MRPS27: variants seen among roughly 807,000 people sequenced by gnomAD.
The protein encoded by MRPS27 is mitochondrial ribosomal protein S27.
Under a neutral mutation model 48.9 loss-of-function variants are expected in MRPS27, and 43 were observed. The ratio of observed to expected loss-of-function variants is 0.88; its 90% CI spans 0.69 to 1.13. The LOEUF (loss-of-function observed/expected upper bound fraction) is 1.13, where lower values mean the gene tolerates loss of function less well. Ranked by LOEUF, MRPS27 falls within the 50% of genes most tolerant of loss-of-function variation. The pLI, the probability that MRPS27 is intolerant of heterozygous loss-of-function variation, is 0.00. For synonymous variants in MRPS27, 188 were observed against 171.9 expected (o/e 1.09, Z -0.73); for missense variants, 467 against 476.3 (o/e 0.98, Z 0.18).
intron 2 of MRPS27, among the ~76,000 whole-genome samples, chr5:72,310,126 A>G (rs1750403201): frequency 6.6e-6 from 1 of 152,226 alleles, no homozygotes; most frequent in Admixed American, 6.5e-5. Context: ...TATCTGCAAA[A>G]TATATATAGT....
intron 2 of MRPS27, among the ~76,000 whole-genome samples, chr5:72,309,853 T>C (rs1293887754): frequency 6.6e-6 from 1 of 152,170 alleles, no homozygotes; most frequent in East Asian, 1.9e-4. Flanking sequence ...ACTAGAACAG[T>C]ATAGTATTGG....
chr5:72,277,577 C>G (rs1285195183), intron 4 of MRPS27, among the ~76,000 whole-genome samples: 1 of 151,684 alleles, frequency 6.6e-6, no homozygotes, highest in Non-Finnish European at 1.5e-5. Flanking sequence ...GCACTCCAGC[C>G]TGGCCACAGA....
rs748845775 is a variant in MRPS27 at position 72,228,382 on chromosome 5, T to C, written c.592-14A>G. 6.3e-7 allele frequency: 1 copy of C among 1,575,484 alleles called. No individual in the cohort carries two copies. The highest frequency in any genetic ancestry group is 1.4e-5 in the African/African-American group (1 of 73,976). On this transcript the variant is annotated splice_polypyrimidine_tract_variant and intron_variant, in intron 7 of 10. Transcript: ENST00000261413. ...CTCCTCTTCCCACTGCAACAGAATA[T>C]ACTGGATCATGATCCATCTAAGCAA... is the stretch of plus-strand genomic sequence containing the variant.
chr5:72,241,781 C>G (rs950335349), intron 4 of MRPS27: 1 of 1,230,186 alleles, frequency 8.1e-7, no homozygotes, highest in Non-Finnish European at 1.1e-6. Context: ...CTCGCCTGCT[C>G]TGACCACCAG....
chr5:72,272,361 T>A (rs567542256), intron 4 of MRPS27, among the ~76,000 whole-genome samples: 5 of 152,366 alleles, frequency 3.3e-5, no homozygotes, highest in African/African-American at 1.2e-4. Flanking sequence ...TAGCTCATTG[T>A]GCATAAACTG....
chr5:72,308,576 AG>A (rs1182342036), intron 2 of MRPS27, among the ~76,000 whole-genome samples: 1 of 152,190 alleles, frequency 6.6e-6, no homozygotes, highest in African/African-American at 2.4e-5. Context: ...GGATTCCCGC[AG>A]GGGCCACACT....
At chr5:72,271,572 A>C (rs1322677730) in intron 4 of MRPS27, among the ~76,000 whole-genome samples, 1 of 152,210 alleles carries the variant, frequency 6.6e-6, no homozygotes. Flanking sequence ...TGACAGGTAA[A>C]TATAATGTGT....
At chr5:72,316,131 T>C (rs546881164) in intron 1 of MRPS27, among the ~76,000 whole-genome samples, 9 of 152,344 alleles carry the variant, frequency 5.9e-5, no homozygotes, top group African/African-American at 1.9e-4. Context: ...CCACATATTA[T>C]ATGATTCCAT....
intron 2 of MRPS27, among the ~76,000 whole-genome samples, chr5:72,303,167 T>C (rs577547159): frequency 6.6e-6 from 1 of 152,358 alleles, no homozygotes; most frequent in East Asian, 1.9e-4. Context: ...GAGAAAACTT[T>C]GGCAGGTGAC....
intron 4 of MRPS27, among the ~76,000 whole-genome samples, chr5:72,248,860 T>C (rs145784111): frequency 5.3e-5 from 8 of 152,298 alleles, no homozygotes; most frequent in Admixed American, 1.3e-4. Flanking sequence ...CCATTGATCA[T>C]GTGTCAGATC....
intron 4 of MRPS27, among the ~76,000 whole-genome samples, chr5:72,292,307 G>A (rs574070473): frequency 4.7e-5 from 7 of 148,688 alleles, no homozygotes; most frequent in Non-Finnish European, 1.0e-4. Context: ...CCTTTCCTTG[G>A]TGTTTTCATT....
intron 4 of MRPS27, among the ~76,000 whole-genome samples, chr5:72,267,640 T>C (rs921123305): frequency 2.0e-5 from 3 of 152,176 alleles, no homozygotes. Flanking sequence ...GTTCTGGGAA[T>C]ATAAAATCAA....
chr5:72,286,999 G>C (rs182086719), intron 4 of MRPS27, among the ~76,000 whole-genome samples: 1 of 152,264 alleles, frequency 6.6e-6, no homozygotes, highest in African/African-American at 2.4e-5. Context: ...AGTCTGTTAG[G>C]AACTGGGCGG....
chr5:72,288,122 G>A (rs889750654), intron 4 of MRPS27, among the ~76,000 whole-genome samples: 2 of 152,108 alleles, frequency 1.3e-5, no homozygotes, highest in Admixed American at 6.5e-5. Context: ...TACCTTGAAG[G>A]TTCACTCTTC....
chr5:72,286,188 G>A (rs774632830), intron 4 of MRPS27, among the ~76,000 whole-genome samples: 11 of 152,074 alleles, frequency 7.2e-5, no homozygotes, highest in African/African-American at 1.9e-4. Context: ...GTGCGTGTGT[G>A]TATATACCTA....
rs1580080802 is a variant in MRPS27 at position 72,263,708 on chromosome 5, T to C, written c.282-25580A>G. 3.9e-5 allele frequency among the ~76,000 whole-genome samples: 6 copies of C among 152,030 alleles called. No individual in the cohort carries two copies. The South Asian group carries it at 1.3e-3, about 32-fold the overall frequency. ...GCAAATGAAAACCACAGTGAGATATTACTCCATACCAATTAGGAGAGCTAT... is the reference window on the plus strand; with the variant it reads ...GCAAATGAAAACCACAGTGAGATATCACTCCATACCAATTAGGAGAGCTAT... On this transcript the variant is annotated intron_variant, in intron 4 of 10. Transcript: ENST00000261413.
At position 72,226,129 on chromosome 5, in the gene MRPS27, G is replaced by A; in HGVS notation, c.765C>T (p.Tyr255=). 6.2e-7 allele frequency: 1 copy of A among 1,613,832 alleles called. No individual in the cohort carries two copies. The highest frequency in any genetic ancestry group is 1.1e-5 in the South Asian group (1 of 91,076). ...CCATCACTTGAAGGGCTCTGTCAAG[G>A]TAGCCTGGTTTCCATATCAGAGGCA... The part of the protein sequence containing the change: ...HNMPLIWKPG[Y]LDRALQVMEK... The change falls in exon 9 of 11, where the codon TAC becomes TAT. Residue 255 remains tyrosine, a synonymous_variant. Transcript: ENST00000261413.
chr5:72,256,293 T>A (rs1250490825), intron 4 of MRPS27, among the ~76,000 whole-genome samples: 4 of 152,232 alleles, frequency 2.6e-5, no homozygotes, highest in Non-Finnish European at 5.9e-5. Flanking sequence ...GCATGCACTT[T>A]ACATTTAAGA....
At chr5:72,275,597 T>C (rs1749352671) in intron 4 of MRPS27, among the ~76,000 whole-genome samples, 1 of 152,218 alleles carries the variant, frequency 6.6e-6, no homozygotes, top group South Asian at 2.1e-4. Context: ...TTAGGAATAA[T>C]GCTCAAAATC....
Sources: gnomAD v4.1 joint callset for allele counts (sites outside exome capture counted in the v4.1 genomes callset) on GRCh38, gnomAD v4.1.1 for gene constraint, MANE v1.5 for transcripts, NCBI Gene and HGNC (gene_info 2026-07-23, HGNC 2026-07-21) for gene names.